SYNPR: variants seen among roughly 807,000 people sequenced by gnomAD.
The protein encoded by SYNPR is synaptoporin.
Under a neutral mutation model 32.9 loss-of-function variants are expected in SYNPR, and 23 were observed. The observed-to-expected ratio is 0.70, with a 90% CI of 0.50 to 0.99. The LOEUF (loss-of-function observed/expected upper bound fraction) is 0.99, where lower values mean the gene tolerates loss of function less well. Ranked by LOEUF, SYNPR falls within the 50% of genes least tolerant of loss-of-function variation. The pLI, the probability that SYNPR is intolerant of heterozygous loss-of-function variation, is 0.00. For missense variants in SYNPR, 318 were observed against 349.3 expected (o/e 0.91, Z 0.71); for synonymous variants, 146 against 135.9 (o/e 1.07, Z -0.52).
intron 3 of SYNPR, among the ~76,000 whole-genome samples, chr3:63,267,885 C>T (rs1372769482): frequency 2.0e-5 from 3 of 151,644 alleles, no homozygotes; most frequent in African/African-American, 4.9e-5. Context: ...TCCCTGAGTC[C>T]CCTGCTAAAT....
intron 1 of SYNPR, among the ~76,000 whole-genome samples, chr3:63,251,914 A>G (rs925308174): frequency 3.3e-5 from 5 of 152,098 alleles, no homozygotes; most frequent in Non-Finnish European, 5.9e-5. Context: ...ATAGAATCCT[A>G]AGATAAAATC....
intron 2 of SYNPR, among the ~76,000 whole-genome samples, chr3:63,311,437 C>T (rs2086963138): frequency 6.6e-6 from 1 of 152,006 alleles, no homozygotes; most frequent in South Asian, 2.1e-4. Context: ...AGCATTACCA[C>T]TTGAGCTCTG....
chr3:63,206,229 C>A, the SYNPR span, among the ~76,000 whole-genome samples: 1 of 152,150 alleles, frequency 6.6e-6, no homozygotes, highest in Non-Finnish European at 1.5e-5. Context: ...AATTTAAGAA[C>A]CACTTGCTTA....
At chr3:63,239,219 A>G (rs62251285) in intron 1 of SYNPR, among the ~76,000 whole-genome samples, 6 of 149,290 alleles carry the variant, frequency 4.0e-5, no homozygotes, top group African/African-American at 1.5e-4. Context: ...CAAAATTTAC[A>G]TTTCTTGACC....
intron 2 of SYNPR, among the ~76,000 whole-genome samples, chr3:63,252,751 T>C (rs796147641): frequency 3.3e-5 from 5 of 152,236 alleles, no homozygotes; most frequent in African/African-American, 1.2e-4. Context: ...TAAGAATGGT[T>C]CCATTCAGGC....
chr3:63,440,827 C>T (rs1700157431), intron 2 of SYNPR, among the ~76,000 whole-genome samples: 1 of 152,122 alleles, frequency 6.6e-6, no homozygotes, highest in Non-Finnish European at 1.5e-5. Context: ...CCTATCTTCC[C>T]AAATGTTAAA....
chr3:63,376,503 C>T (rs2087896914), intron 2 of SYNPR, among the ~76,000 whole-genome samples: 1 of 152,076 alleles, frequency 6.6e-6, no homozygotes, highest in South Asian at 2.1e-4. Flanking sequence ...TTTCTTTCAC[C>T]ACTCTGGGCT....
chr3:63,301,209 T>A (rs1039149925), intron 2 of SYNPR, among the ~76,000 whole-genome samples: 1 of 152,142 alleles, frequency 6.6e-6, no homozygotes, highest in African/African-American at 2.4e-5. Context: ...AGTATTACCG[T>A]TATAAGTTGG....
rs1427571976 is a variant in SYNPR, at chr3:63,614,618, A to G, written c.601-606A>G. ...AACCTCTCAATATGCTATCATGCAT[A>G]TGCTTATTTGCATATCACCTGTACC... is the stretch of plus-strand genomic sequence containing the variant. On this transcript the variant is annotated intron_variant, in intron 5 of 5. Coordinates refer to ENST00000478300, the MANE Select transcript of SYNPR (RefSeq NM_001130003.2). Among the ~76,000 whole-genome samples the G allele has an allele frequency of 2.0e-5, 3 of 152,380 alleles. No individual in the cohort carries two copies. The East Asian group carries it at 5.8e-4, about 29-fold the overall frequency.
intron 2 of SYNPR, among the ~76,000 whole-genome samples, chr3:63,418,933 A>T (rs1162740536): frequency 6.6e-6 from 1 of 152,228 alleles, no homozygotes; most frequent in African/African-American, 2.4e-5. Context: ...ACTAAGAATT[A>T]GTAGAATATT....
chr3:63,372,849 A>C (rs1381967989), intron 2 of SYNPR, among the ~76,000 whole-genome samples: 1 of 152,224 alleles, frequency 6.6e-6, no homozygotes, highest in Non-Finnish European at 1.5e-5. Flanking sequence ...CTCTCAGAGC[A>C]CTGAGAAAGA....
chr3:63,610,772 T>C (rs1053378487), intron 5 of SYNPR, among the ~76,000 whole-genome samples: 6 of 152,226 alleles, frequency 3.9e-5, no homozygotes, highest in East Asian at 1.9e-4. Context: ...TGTTTGTTAG[T>C]TTAATAACTA....
At chr3:63,514,243 A>T (rs1477437466) in intron 3 of SYNPR, among the ~76,000 whole-genome samples, 1 of 152,174 alleles carries the variant, frequency 6.6e-6, no homozygotes, top group East Asian at 1.9e-4. Context: ...ATACTTGGTC[A>T]TTGGCAGCTG....
intron 3 of SYNPR, chr3:63,550,013 C>T (rs1208862722): frequency 6.6e-6 from 1 of 152,084 alleles, no homozygotes; most frequent in African/African-American, 2.4e-5. Context: ...CCGACTAGTT[C>T]CTCACAAGAT....
At chr3:63,263,118 A>G (rs2086453243) in intron 2 of SYNPR, among the ~76,000 whole-genome samples, 1 of 152,216 alleles carries the variant, frequency 6.6e-6, no homozygotes, top group African/African-American at 2.4e-5. Flanking sequence ...TGATGGGAAC[A>G]CGGACTTAGT....
intron 2 of SYNPR, among the ~76,000 whole-genome samples, chr3:63,471,051 G>A (rs1447788925): frequency 1.3e-5 from 2 of 152,186 alleles, no homozygotes; most frequent in Non-Finnish European, 2.9e-5. Context: ...TTTTCCTTCT[G>A]TAGGGCCTAT....
intron 3 of SYNPR, among the ~76,000 whole-genome samples, chr3:63,550,691 A>T (rs1210136537): frequency 6.6e-6 from 1 of 152,206 alleles, no homozygotes; most frequent in Non-Finnish European, 1.5e-5. Flanking sequence ...TGCATTGGAG[A>T]CATGCTGATC....
intron 4 of SYNPR, among the ~76,000 whole-genome samples, chr3:63,599,975 G>A (rs915901132): frequency 6.6e-6 from 1 of 152,166 alleles, no homozygotes; most frequent in Non-Finnish European, 1.5e-5. Flanking sequence ...GTACCAAACT[G>A]ACTAAAATTT....
intron 4 of SYNPR, among the ~76,000 whole-genome samples, chr3:63,602,748 G>A (rs2106894587): frequency 6.6e-6 from 1 of 152,272 alleles, no homozygotes; most frequent in Non-Finnish European, 1.5e-5. Flanking sequence ...GGTTACTGTA[G>A]CCTTATAGTA....
Sources: gnomAD v4.1 joint callset for allele counts (sites outside exome capture counted in the v4.1 genomes callset) on GRCh38, gnomAD v4.1.1 for gene constraint, MANE v1.5 for transcripts, NCBI Gene and HGNC (gene_info 2026-07-23, HGNC 2026-07-21) for gene names.